Variants in NCLN observed in about 807,000 individuals in gnomAD.
The protein encoded by NCLN is nicalin.
NCLN carries 34 observed loss-of-function variants against 69.5 expected under a neutral mutation model. The observed-to-expected ratio is 0.49, with a 90% CI of 0.37 to 0.65. NCLN has a LOEUF of 0.65. NCLN is among the 30% of genes least tolerant of loss of function. The pLI is 0.00. For missense variants in NCLN, 710 were observed against 804.8 expected (o/e 0.88, Z 1.42); for synonymous variants, 393 against 358.3 (o/e 1.10, Z -1.09).
intron 1 of NCLN, among the ~76,000 whole-genome samples, chr19:3,188,916 C>T (rs1915741246): frequency 6.6e-6 from 1 of 152,222 alleles, no homozygotes; most frequent in African/African-American, 2.4e-5. Flanking sequence ...TGGGCCAGAG[C>T]CCTGCCGAGG....
At chr19:3,203,875 C>T (rs368565586) in intron 7 of NCLN, 31 bp downstream of exon 7, 145 of 1,604,898 alleles carry the variant, frequency 9.0e-5, no homozygotes, top group Admixed American at 7.8e-4. Flanking sequence ...GTGGGGGTGC[C>T]GCGGTGGTGG....
At chr19:3,186,284 C>G (rs1273844346) in intron 1 of NCLN, 70 bp downstream of exon 1, 1 of 1,374,078 alleles carries the variant, frequency 7.3e-7, no homozygotes, top group African/African-American at 1.5e-5. Flanking sequence ...CCGGCGATCC[C>G]CAGGCCGATC....
intron 1 of NCLN, among the ~76,000 whole-genome samples, chr19:3,189,947 G>A (rs1915770260): frequency 6.6e-6 from 1 of 152,238 alleles, no homozygotes. Flanking sequence ...TCTGGGTGCT[G>A]GTGTCCCCCT....
At chr19:3,202,326 T>A (rs1161468751) in intron 6 of NCLN, among the ~76,000 whole-genome samples, 1 of 152,184 alleles carries the variant, frequency 6.6e-6, no homozygotes, top group Non-Finnish European at 1.5e-5. Context: ...GACTTGATTT[T>A]TCCCCAGATA....
intron 1 of NCLN, among the ~76,000 whole-genome samples, chr19:3,188,221 C>G (rs780122973): frequency 5.3e-5 from 8 of 152,054 alleles, no homozygotes; most frequent in African/African-American, 9.7e-5. Flanking sequence ...GATCTGGTGG[C>G]TGCTACACTG....
chr19:3,202,611 A>C (rs1034331488), intron 6 of NCLN, among the ~76,000 whole-genome samples: 1 of 152,132 alleles, frequency 6.6e-6, no homozygotes, highest in Admixed American at 6.5e-5. Context: ...CAGCCTTCTC[A>C]CAGTCACAAG....
Position 3,204,607 on chromosome 19 carries a change from C to G in NCLN, c.1064C>G (p.Ser355Cys), listed in dbSNP as rs772514108. 6.3e-7 allele frequency: 1 copy of G among 1,587,188 alleles called. No homozygotes were observed. Among genetic ancestry groups the G allele is most frequent in the Non-Finnish European group, 8.6e-7 (1 of 1,167,264 alleles). Reference protein sequence around the residue: ...AAHQFPEVRFSMVHKRINLAE... With the variant: ...AAHQFPEVRFCMVHKRINLAE... ...CACCAGTTCCCTGAGGTACGGTTCT[C>G]CATGGTGCACAAGCGGATCAACCTG... Residue 355 changes from serine to cysteine, a missense_variant, in exon 9 of 15, where the codon TCC (serine) becomes TGC (cysteine). Physicochemically the swap from Ser to Cys is moderately radical, Grantham distance 112. Transcript: ENST00000246117.
In NCLN at chr19:3,204,456, G is replaced by T. The variant is rs1916208323; in HGVS notation, c.1030-117G>T. 3.4e-6 allele frequency: 4 copies of T among 1,180,478 alleles called. No homozygotes were observed. The East Asian group carries it at 8.3e-5, about 24-fold the overall frequency. The allele number at this position is 1,180,478 out of a possible 1,614,324, so 73.1% of individuals were successfully genotyped here. The stretch of plus-strand genomic sequence containing the variant: ...CTTAGGGGGACCCCGGGGGCAGGTG[G>T]ATTTCTCCTCATTTTGCACCCTCGG... On this transcript the variant is annotated intron_variant, in intron 8 of 14. Transcript: ENST00000246117.
intron 10 of NCLN, 57 bp from the exon 11 acceptor site, chr19:3,206,095 G>A (rs1467129447): frequency 1.3e-6 from 2 of 1,543,422 alleles, no homozygotes; most frequent in Admixed American, 2.0e-5. Context: ...CCCCACCCCT[G>A]GCCCCAGCCC....
intron 1 of NCLN, among the ~76,000 whole-genome samples, chr19:3,191,265 A>G (rs570196835): frequency 5.9e-5 from 9 of 152,154 alleles, no homozygotes; most frequent in Non-Finnish European, 1.3e-4. Context: ...GAGCAGTCCC[A>G]GGAAGCAAAA....
chr19:3,199,584 C>T (rs1174923908), intron 5 of NCLN, among the ~76,000 whole-genome samples: 1 of 151,724 alleles, frequency 6.6e-6, no homozygotes, highest in Non-Finnish European at 1.5e-5. Context: ...CTGCAGGTTC[C>T]TGGTCTCAGG....
intron 3 of NCLN, 150 bp downstream of exon 3, chr19:3,193,578 G>A (rs2144900628): frequency 3.1e-6 from 3 of 970,146 alleles, no homozygotes; most frequent in African/African-American, 1.7e-5. Flanking sequence ...TGGGCCCCGT[G>A]TGGACCTGCT....
intron 4 of NCLN, among the ~76,000 whole-genome samples, chr19:3,198,200 C>T (rs1282627701): frequency 1.3e-5 from 2 of 152,218 alleles, no homozygotes; most frequent in Admixed American, 6.5e-5. Context: ...GGCTCAGCCC[C>T]GTTCCTATAA....
At chr19:3,202,393 C>T (rs1256985103) in intron 6 of NCLN, among the ~76,000 whole-genome samples, 1 of 152,176 alleles carries the variant, frequency 6.6e-6, no homozygotes, top group East Asian at 1.9e-4. Flanking sequence ...ATGACTCTCT[C>T]CTGGGTGCCA....
At chr19:3,191,142 C>T (rs1344431730) in intron 1 of NCLN, among the ~76,000 whole-genome samples, 1 of 151,266 alleles carries the variant, frequency 6.6e-6, no homozygotes, top group Non-Finnish European at 1.5e-5. Flanking sequence ...CTGAGACTTG[C>T]AGGGGTGAAG....
At chr19:3,199,057 G>C (rs1397630890) in intron 5 of NCLN, among the ~76,000 whole-genome samples, 160 bp downstream of exon 5, 1 of 152,226 alleles carries the variant, frequency 6.6e-6, no homozygotes, top group Non-Finnish European at 1.5e-5. Flanking sequence ...GGGCCTCAGG[G>C]TGGGTGTCGT....
chr19:3,191,356 G>C (rs368381678), intron 1 of NCLN, among the ~76,000 whole-genome samples: 1 of 152,162 alleles, frequency 6.6e-6, no homozygotes, highest in Non-Finnish European at 1.5e-5. Flanking sequence ...GAATAAGCCC[G>C]TGATGGAGCG....
Position 3,204,164 on chromosome 19 carries a change from A to G in NCLN, c.1029+20A>G. On this transcript the variant is annotated intron_variant, in intron 8 of 14. Coordinates refer to ENST00000246117, the MANE Select transcript of NCLN (RefSeq NM_020170.4). ...GAGACGGTGGGTGCCCCTTTCATGG[A>G]TGGGTCCGGAGCTCTGCGGAGCACA... 6.7e-7 allele frequency: 1 copy of G among 1,502,570 alleles called. No homozygotes were observed. Among genetic ancestry groups the G allele is most frequent in the African/African-American group, 1.4e-5 (1 of 71,524 alleles). 93.1% of individuals were successfully genotyped at this position (1,502,570 alleles called of 1,614,324 possible). A position where few individuals can be genotyped will look rare whatever the true frequency, so the allele number is the denominator to read the frequency against.
At chr19:3,188,101 C>T (rs1355798823) in intron 1 of NCLN, among the ~76,000 whole-genome samples, 1 of 152,084 alleles carries the variant, frequency 6.6e-6, no homozygotes, top group East Asian at 1.9e-4. Flanking sequence ...GGGCAGTCTG[C>T]ACCCCAAAGA....
Sources: allele counts gnomAD v4.1 joint callset (sites outside exome capture counted in the v4.1 genomes callset), GRCh38; gene constraint gnomAD v4.1.1; transcripts MANE v1.5; gene names NCBI Gene and HGNC (gene_info 2026-07-23, HGNC 2026-07-21).